Variants in CHN1 observed in about 807,000 individuals in gnomAD.
The protein encoded by CHN1 is chimerin 1, also known as N-chimaerin.
A neutral mutation model predicts 59.5 loss-of-function variants in CHN1; 37 were observed. The ratio of observed to expected loss-of-function variants is 0.62; its 90% confidence interval spans 0.48 to 0.82. CHN1 has a LOEUF of 0.82. Among genes scored for constraint, CHN1 ranks in the 40% least tolerant of loss-of-function variants. The probability of loss-of-function intolerance (pLI) is 0.00; values close to 1 mark genes in which losing one functional copy is unlikely to be tolerated. For missense variants in CHN1, 469 were observed against 571.0 expected (o/e 0.82, Z 1.82); for synonymous variants, 206 against 200.4 (o/e 1.03, Z -0.24).
At chr2:174,825,495 C>T (rs551128627) in intron 7 of CHN1, among the ~76,000 whole-genome samples, 1 of 152,166 alleles carries the variant, frequency 6.6e-6, no homozygotes, top group African/African-American at 2.4e-5. Context: ...AGAAAGGAAT[C>T]CCCAAAGAAG....
At chr2:174,895,415 G>A (rs908643860) in intron 5 of CHN1, among the ~76,000 whole-genome samples, 1 of 151,970 alleles carries the variant, frequency 6.6e-6, no homozygotes, top group Admixed American at 6.6e-5. Flanking sequence ...TGGCTGCTAT[G>A]GGGTAGGAGG....
chr2:174,861,829 A>T (rs1176326938), intron 6 of CHN1, among the ~76,000 whole-genome samples: 4 of 152,250 alleles, frequency 2.6e-5, no homozygotes, highest in African/African-American at 9.6e-5. Context: ...GTAGTTTTCT[A>T]TTCCACAGGT....
chr2:174,800,427 T>G, intron 12 of CHN1, 140 bp from the exon 13 acceptor site: 1 of 560,478 alleles, frequency 1.8e-6, no homozygotes, highest in Non-Finnish European at 2.8e-6. Context: ...TTCTCTGTAA[T>G]TTCAAAGTAC....
At chr2:174,920,928 G>A in intron 3 of CHN1, 2 of 424,828 alleles carry the variant, frequency 4.7e-6, no homozygotes, top group Non-Finnish European at 9.6e-6. Context: ...GGGGTGATGG[G>A]AGACAGTGAC....
intron 7 of CHN1, chr2:174,846,316 T>C (rs1047776081): frequency 1.3e-6 from 2 of 1,548,760 alleles, no homozygotes; most frequent in Non-Finnish European, 1.7e-6. Context: ...TACGCATACA[T>C]GGTGAAAGCA....
intron 11 of CHN1, among the ~76,000 whole-genome samples, chr2:174,808,573 C>T (rs535203978): frequency 1.2e-4 from 18 of 152,330 alleles, no homozygotes; most frequent in African/African-American, 3.8e-4. Context: ...GCGTGAGCCA[C>T]TGCCAGCCTG....
chr2:174,806,450 G>T (rs1223401142), intron 11 of CHN1, among the ~76,000 whole-genome samples: 1 of 152,156 alleles, frequency 6.6e-6, no homozygotes, highest in Non-Finnish European at 1.5e-5. Flanking sequence ...AAATTTTGGA[G>T]AATATATCCG....
intron 6 of CHN1, among the ~76,000 whole-genome samples, chr2:174,853,901 C>T (rs1015125013): frequency 2.0e-5 from 3 of 152,080 alleles, no homozygotes; most frequent in East Asian, 1.9e-4. Flanking sequence ...TGAGCATGCA[C>T]GAACATAAAC....
chr2:175,002,899 C>T (rs548542635), intron 1 of CHN1, among the ~76,000 whole-genome samples: 40 of 152,312 alleles, frequency 2.6e-4, no homozygotes, highest in African/African-American at 9.6e-4. Context: ...GTAGTAAAAT[C>T]TAAAATAAAA....
At chr2:174,881,786 A>C (rs1687746208) in intron 5 of CHN1, among the ~76,000 whole-genome samples, 1 of 152,204 alleles carries the variant, frequency 6.6e-6, no homozygotes, top group African/African-American at 2.4e-5. Flanking sequence ...TCTCTGAATA[A>C]GTTTGTATTT....
chr2:174,922,783 T>C (rs1387162999), intron 3 of CHN1, among the ~76,000 whole-genome samples: 1 of 152,216 alleles, frequency 6.6e-6, no homozygotes, highest in Non-Finnish European at 1.5e-5. Flanking sequence ...TGATTTATAA[T>C]GTAAATAATA....
chr2:174,880,193 A>T (rs961378569), intron 5 of CHN1, among the ~76,000 whole-genome samples: 5 of 152,238 alleles, frequency 3.3e-5, no homozygotes, highest in African/African-American at 1.2e-4. Context: ...CTAAAGGGAG[A>T]TGATCACATA....
At chr2:174,822,001 T>C (rs1685515697) in intron 8 of CHN1, among the ~76,000 whole-genome samples, 1 of 152,222 alleles carries the variant, frequency 6.6e-6, no homozygotes, top group Non-Finnish European at 1.5e-5. Context: ...TCTCTTTAAA[T>C]TCTCAATTCT....
chr2:174,941,963 G>A (rs1689679788), intron 3 of CHN1, among the ~76,000 whole-genome samples: 1 of 152,130 alleles, frequency 6.6e-6, no homozygotes. Context: ...CAAAACCACT[G>A]TTAGTATGTC....
rs982607344 is a variant in CHN1, at chr2:174,799,732, C to T, written c.*384G>A. On this transcript the variant is annotated 3_prime_UTR_variant, in exon 13 of 13. Coordinates refer to ENST00000409900, the MANE Select transcript of CHN1 (RefSeq NM_001822.7). The stretch of plus-strand genomic sequence containing the variant: ...CATCAGAAACCAATGACATAGACCC[C>T]AAAAGCAAAGTCACAACAGGCTTAC... 9 of 536,150 alleles carry T rather than the reference C, an allele frequency of 1.7e-5. No homozygotes were observed. The highest frequency in any genetic ancestry group is 1.7e-4 in the African/African-American group (9 of 53,922). 33.2% of individuals were successfully genotyped at this position (536,150 alleles called of 1,614,324 possible).
At chr2:174,856,558 T>C (rs1479953400) in intron 6 of CHN1, among the ~76,000 whole-genome samples, 2 of 151,942 alleles carry the variant, frequency 1.3e-5, no homozygotes, top group Non-Finnish European at 2.9e-5. Context: ...CAAGAAACAA[T>C]AGAAATATGA....
At chr2:174,993,009 T>C (rs1196660278) in intron 1 of CHN1, among the ~76,000 whole-genome samples, 2 of 152,096 alleles carry the variant, frequency 1.3e-5, no homozygotes, top group Non-Finnish European at 2.9e-5. Flanking sequence ...AGGCTGCTCT[T>C]GAATTCCTGG....
chr2:174,996,464 T>C (rs1326012054), intron 1 of CHN1, among the ~76,000 whole-genome samples: 1 of 152,168 alleles, frequency 6.6e-6, no homozygotes. Context: ...CTTCAACCAC[T>C]ATACTAAGAA....
chr2:174,965,639 T>C (rs1330733911), intron 1 of CHN1, among the ~76,000 whole-genome samples: 1 of 152,228 alleles, frequency 6.6e-6, no homozygotes, highest in Non-Finnish European at 1.5e-5. Flanking sequence ...TTTTGAATTG[T>C]ATAAACAGAA....
Sources: gnomAD v4.1 joint callset for allele counts (sites outside exome capture counted in the v4.1 genomes callset) on GRCh38, gnomAD v4.1.1 for gene constraint, MANE v1.5 for transcripts, NCBI Gene and HGNC (gene_info 2026-07-23, HGNC 2026-07-21) for gene names.